AK8: variants seen among roughly 807,000 people sequenced by gnomAD.
The protein encoded by AK8 is adenylate kinase 8.
Under a neutral mutation model 54.6 loss-of-function variants are expected in AK8, and 44 were observed. That is an observed-to-expected ratio of 0.81 (90% CI 0.63 to 1.04). The LOEUF is 1.04. Among genes scored for constraint, AK8 ranks in the 50% least tolerant of loss-of-function variants. AK8 has a pLI of 0.00. For missense variants in AK8, 555 were observed against 613.6 expected, an observed-to-expected ratio of 0.90 and a Z score of 1.01; for synonymous variants, 239 against 245.6, an observed-to-expected ratio of 0.97 and a Z score of 0.25.
At chr9:132,861,978 CA>C (rs1222704158) in intron 4 of AK8, among the ~76,000 whole-genome samples, 1 of 152,174 alleles carries the variant, frequency 6.6e-6, no homozygotes, top group Non-Finnish European at 1.5e-5. Flanking sequence ...TGATAATTAG[CA>C]AAATGAAACC....
Position 132,878,266 on chromosome 9 carries a change from C to A in AK8, c.-11G>T, listed in dbSNP as rs1387539107. 1.5e-6 allele frequency: 2 copies of A among 1,352,272 alleles called. No homozygotes were observed. Among genetic ancestry groups the A allele is most frequent in the African/African-American group, 1.5e-5 (1 of 66,432 alleles). The allele number at this position is 1,352,272 out of a possible 1,614,324, so 83.8% of individuals were successfully genotyped here. A position where few individuals can be genotyped will look rare whatever the true frequency, so the allele number is the denominator to read the frequency against. The stretch of plus-strand genomic sequence containing the variant: ...GATAGTGGCGTCCATGTAGCCGTCT[C>A]GGCTCGCCGCTCCCTAGTAACCGCG... On this transcript the variant is annotated 5_prime_UTR_variant, in exon 1 of 13. Coordinates refer to ENST00000298545, the MANE Select transcript of AK8 (RefSeq NM_152572.3). This position sits in a 1 kb window ranked among gnomAD's most constrained non-coding sequence, Gnocchi z 4.7.
At chr9:132,855,907 G>A (rs1340781997) in intron 4 of AK8, among the ~76,000 whole-genome samples, 2 of 152,168 alleles carry the variant, frequency 1.3e-5, no homozygotes, top group Non-Finnish European at 2.9e-5. Context: ...CTCAGATCCA[G>A]AGGAGGGCCC....
intron 11 of AK8, among the ~76,000 whole-genome samples, chr9:132,752,619 C>T (rs1837988100): frequency 6.6e-6 from 1 of 151,856 alleles, no homozygotes; most frequent in African/African-American, 2.4e-5. Flanking sequence ...CCACCTTCGC[C>T]ACACCCTGCC....
rs528951216 is a variant in AK8 at position 132,812,228 on chromosome 9, C to CTTTTTTT, written c.979+2403_979+2409dup. The stretch of plus-strand genomic sequence containing the variant: ...CCATTGCTGCTGCTTGCTACTGTGG[C>CTTTTTTT]TTTTTTTTTTTTTTTTTTTTTTTGA... On this transcript the variant is annotated intron_variant, in intron 10 of 12. Coordinates refer to ENST00000298545, the MANE Select transcript of AK8 (RefSeq NM_152572.3). Among the ~76,000 whole-genome samples the CTTTTTTT allele has an allele frequency of 1.6e-4, 15 of 92,552 alleles. 1 individual carries two copies. The highest frequency in any genetic ancestry group is 2.7e-4 in the African/African-American group (6 of 21,912). The allele number at this position is 92,552 out of a possible 152,430, so 60.7% of individuals were successfully genotyped here.
chr9:132,814,828 A>AT lies in AK8; in HGVS notation c.890-102_890-101insA. 6 of 978,660 alleles carry AT rather than the reference A, an allele frequency of 6.1e-6. 1 individual carries two copies. The South Asian group carries it at 1.0e-4, about 17-fold the overall frequency. 60.6% of individuals were successfully genotyped at this position (978,660 alleles called of 1,614,324 possible). On this transcript the variant is annotated intron_variant, in intron 9 of 12. Transcript: ENST00000298545. The stretch of plus-strand genomic sequence containing the variant: ...TGCTGCCTGCTGAGGGAAAAAAAAA[A>AT]GGTCACTGAAAAAAGCATAAAAGGG...
At chr9:132,788,618 A>G (rs778057033) in intron 11 of AK8, among the ~76,000 whole-genome samples, 7 of 152,240 alleles carry the variant, frequency 4.6e-5, no homozygotes, top group Non-Finnish European at 8.8e-5. Context: ...TTATGTTAAT[A>G]TATTTAAAGA....
rs1248990995 is a variant in AK8, at chr9:132,878,104, C to T, written c.84+68G>A. The T allele has an allele frequency of 1.3e-6, 2 of 1,545,390 alleles. No individual in the cohort carries two copies. The highest frequency in any genetic ancestry group is 3.9e-5 in the Admixed American group (2 of 50,968). On this transcript the variant is annotated intron_variant, in intron 1 of 12. Coordinates refer to ENST00000298545, the MANE Select transcript of AK8 (RefSeq NM_152572.3). The surrounding 1 kb of genome is among the most constrained non-coding windows in gnomAD (Gnocchi z 4.7). ...GCCCCAGCTGCGGGTCCCGGCCGCG[C>T]ACCCGACGTCGCAGTGGAGGCTCCC...
chr9:132,851,304 T>A (rs906039808), intron 5 of AK8, among the ~76,000 whole-genome samples: 1 of 152,156 alleles, frequency 6.6e-6, no homozygotes, highest in Non-Finnish European at 1.5e-5. Flanking sequence ...AGGGGACCCT[T>A]CTCCAGTCCC....
intron 11 of AK8, among the ~76,000 whole-genome samples, chr9:132,746,186 C>CAG (rs1837643811): frequency 1.3e-5 from 2 of 151,916 alleles, no homozygotes; most frequent in Non-Finnish European, 2.9e-5. Flanking sequence ...GCTTCCAAGC[C>CAG]AGTCTGGCAT....
intron 5 of AK8, among the ~76,000 whole-genome samples, chr9:132,849,987 T>C (rs1004260647): frequency 6.6e-6 from 1 of 151,956 alleles, no homozygotes; most frequent in Non-Finnish European, 1.5e-5. Context: ...ACTTAAGTGA[T>C]CTTCCTGCCT....
intron 11 of AK8, among the ~76,000 whole-genome samples, chr9:132,735,874 A>T (rs1048319083): frequency 7.9e-5 from 12 of 152,258 alleles, no homozygotes; most frequent in African/African-American, 2.9e-4. Flanking sequence ...GCGTTGCTTA[A>T]TAACAGGGAC....
At chr9:132,769,873 C>T (rs1018547647) in intron 11 of AK8, 1 of 152,182 alleles carries the variant, frequency 6.6e-6, no homozygotes, top group Non-Finnish European at 1.5e-5. Flanking sequence ...TAACTTAATG[C>T]TATGCAAATG....
chr9:132,730,387 C>G (rs1396745931), intron 11 of AK8, among the ~76,000 whole-genome samples: 1 of 151,586 alleles, frequency 6.6e-6, no homozygotes, highest in East Asian at 1.9e-4. Context: ...ATGAACCAAC[C>G]CATGGTATCC....
At chr9:132,779,155 C>A (rs1400053555) in intron 11 of AK8, among the ~76,000 whole-genome samples, 1 of 152,170 alleles carries the variant, frequency 6.6e-6, no homozygotes, top group Admixed American at 6.5e-5. Context: ...GCAGCAAATA[C>A]TCTTTGAGGG....
chr9:132,740,135 G>A (rs1433025145), intron 11 of AK8, among the ~76,000 whole-genome samples: 3 of 152,242 alleles, frequency 2.0e-5, no homozygotes, highest in African/African-American at 4.8e-5. Context: ...GCACGCCCCT[G>A]CCACAGCAGC....
At chr9:132,812,530 T>TGCCTACTGGGATGACGGGTGAGCCGCCGC (rs1841082582) in intron 10 of AK8, among the ~76,000 whole-genome samples, 1 of 130,644 alleles carries the variant, frequency 7.7e-6, no homozygotes, top group Non-Finnish European at 1.7e-5. Flanking sequence ...TGAGCTACCG[T>TGCCTACTGGGATGACGGGTGAGCCGCCGC]GCCCACTGGG....
At chr9:132,729,778 C>T (rs1340182235) in intron 11 of AK8, among the ~76,000 whole-genome samples, 2 of 152,126 alleles carry the variant, frequency 1.3e-5, no homozygotes, top group Admixed American at 1.3e-4. Flanking sequence ...TCAACGACAA[C>T]AACAAGAAAA....
chr9:132,750,808 TG>T (rs1427679090), intron 11 of AK8, among the ~76,000 whole-genome samples: 1 of 151,872 alleles, frequency 6.6e-6, no homozygotes, highest in African/African-American at 2.4e-5. Context: ...AGGTACAAAT[TG>T]TACCCTGGAC....
At chr9:132,808,458 G>A (rs1407309170) in intron 10 of AK8, among the ~76,000 whole-genome samples, 1 of 152,188 alleles carries the variant, frequency 6.6e-6, no homozygotes, top group African/African-American at 2.4e-5. Flanking sequence ...GGGCCCTGGG[G>A]TCCTTTGCCC....
Sources: gnomAD v4.1 joint callset for allele counts (sites outside exome capture counted in the v4.1 genomes callset) on GRCh38, gnomAD v4.1.1 for gene constraint, Gnocchi (gnomAD v3.1) non-coding constraint, MANE v1.5 for transcripts, NCBI Gene and HGNC (gene_info 2026-07-23, HGNC 2026-07-21) for gene names.